RABL3: variants seen among roughly 807,000 people sequenced by gnomAD.
RABL3 encodes RAB, member of RAS oncogene family like 3, also known as rab-like protein 3.
Under a neutral mutation model 31.8 loss-of-function variants are expected in RABL3, and 31 were observed. The observed-to-expected ratio is 0.97, with a 90% confidence interval of 0.73 to 1.31. RABL3 has a LOEUF of 1.31. Ranked by LOEUF, RABL3 falls within the 40% of genes most tolerant of loss-of-function variation. The pLI is 0.00. For synonymous variants in RABL3, 97 were observed against 99.9 expected (o/e 0.97, Z 0.18); for missense variants, 263 against 279.6 (o/e 0.94, Z 0.42).
chr3:120,719,268 G>A (rs1421155610), intron 2 of RABL3, among the ~76,000 whole-genome samples: 3 of 152,202 alleles, frequency 2.0e-5, no homozygotes, highest in Admixed American at 6.5e-5. Context: ...AGCTCCCAGC[G>A]TGAGCGACAC....
chr3:120,719,510 G>A (rs924289551), intron 2 of RABL3, among the ~76,000 whole-genome samples: 2 of 152,352 alleles, frequency 1.3e-5, no homozygotes, highest in South Asian at 2.1e-4. Context: ...CTAATACTGC[G>A]CTTTTCCAAC....
chr3:120,725,686 C>G (rs1476775978), intron 2 of RABL3, among the ~76,000 whole-genome samples: 1 of 152,134 alleles, frequency 6.6e-6, no homozygotes, highest in Non-Finnish European at 1.5e-5. Flanking sequence ...TCTCAGCAAA[C>G]TATCGCAAGG....
At chr3:120,740,578 T>C (rs767738915) in intron 1 of RABL3, among the ~76,000 whole-genome samples, 10 of 152,138 alleles carry the variant, frequency 6.6e-5, no homozygotes, top group Admixed American at 4.6e-4. Flanking sequence ...TTTCTTTATA[T>C]ATTTGTGAAA....
At chr3:120,704,374 T>C (rs1312328669) in intron 4 of RABL3, among the ~76,000 whole-genome samples, 1 of 152,220 alleles carries the variant, frequency 6.6e-6, no homozygotes, top group African/African-American at 2.4e-5. Flanking sequence ...TATCTGTTCA[T>C]GATATTAACA....
rs762015005 is a variant in RABL3, at chr3:120,688,497, C to T, written c.*1326G>A. On this transcript the variant is annotated 3_prime_UTR_variant, in exon 8 of 8. Coordinates refer to ENST00000273375, the MANE Select transcript of RABL3 (RefSeq NM_173825.5). ...TATTTTAATATCCTCTTGCAGCATA[C>T]CTTGATTTCCAAGATACTTCTGAAA... is the stretch of plus-strand genomic sequence containing the variant. 2 of 152,210 alleles carry T rather than the reference C, an allele frequency of 1.3e-5. No homozygotes were observed. Among genetic ancestry groups the T allele is most frequent in the African/African-American group, 2.4e-5 (1 of 41,432 alleles). 9.4% of individuals were successfully genotyped at this position (152,210 alleles called of 1,614,324 possible). A position where few individuals can be genotyped will look rare whatever the true frequency, so the allele number is the denominator to read the frequency against.
chr3:120,728,154 AG>A (rs1245085214), intron 2 of RABL3, among the ~76,000 whole-genome samples: 3 of 152,182 alleles, frequency 2.0e-5, no homozygotes, highest in Non-Finnish European at 4.4e-5. Context: ...GGGTGGGGAT[AG>A]GAAAAGGAGT....
At chr3:120,739,149 C>T (rs1035773420) in intron 1 of RABL3, among the ~76,000 whole-genome samples, 6 of 152,176 alleles carry the variant, frequency 3.9e-5, no homozygotes, top group African/African-American at 1.4e-4. Flanking sequence ...GAGGCTGAGG[C>T]AGGCAGATCA....
intron 6 of RABL3, among the ~76,000 whole-genome samples, chr3:120,690,958 A>C (rs535242961): frequency 6.6e-6 from 1 of 152,326 alleles, no homozygotes; most frequent in African/African-American, 2.4e-5. Flanking sequence ...CAAATTCTAT[A>C]TGTCCTCAAT....
At chr3:120,725,849 A>G (rs144981536) in intron 2 of RABL3, among the ~76,000 whole-genome samples, 9,399 of 152,266 alleles carry the variant, frequency 0.062, 830 homozygotes, top group African/African-American at 0.2. Flanking sequence ...CTAATGTTAA[A>G]TTACGAGTTA....
rs758128345 is a variant in RABL3 at position 120,706,162 on chromosome 3, C to T, written c.269-48G>A. ...TGTTAATCCCTTAACAATTCCTCTT[C>T]ATTTCACAATTGGCCAAATGAAGCT... is the stretch of plus-strand genomic sequence containing the variant. On this transcript the variant is annotated intron_variant, in intron 3 of 7. Coordinates refer to ENST00000273375, the MANE Select transcript of RABL3 (RefSeq NM_173825.5). 6 of 1,238,590 alleles carry T rather than the reference C, an allele frequency of 4.8e-6. No individual in the cohort carries two copies. In the East Asian group the frequency reaches 1.4e-4, roughly 29 times the overall value. The allele number at this position is 1,238,590 out of a possible 1,614,324, so 76.7% of individuals were successfully genotyped here.
At chr3:120,734,140 A>G (rs1460373438) in intron 1 of RABL3, among the ~76,000 whole-genome samples, 3 of 152,204 alleles carry the variant, frequency 2.0e-5, no homozygotes, top group Non-Finnish European at 2.9e-5. Flanking sequence ...CTTGGGCAGT[A>G]TGGCCATTTT....
chr3:120,718,728 T>C (rs1708699214), intron 2 of RABL3, among the ~76,000 whole-genome samples: 1 of 152,194 alleles, frequency 6.6e-6, no homozygotes, highest in African/African-American at 2.4e-5. Context: ...AGACATCCCA[T>C]AGATATTAGG....
At chr3:120,717,527 G>T (rs1708685528) in intron 2 of RABL3, among the ~76,000 whole-genome samples, 1 of 152,092 alleles carries the variant, frequency 6.6e-6, no homozygotes, top group Admixed American at 6.5e-5. Flanking sequence ...GGAGTGCAGT[G>T]GCCTGATCTC....
At chr3:120,710,711 T>A (rs1226444731) in intron 2 of RABL3, among the ~76,000 whole-genome samples, 3 of 152,068 alleles carry the variant, frequency 2.0e-5, no homozygotes, top group Non-Finnish European at 2.9e-5. Flanking sequence ...ATTTTCCTTC[T>A]CAGCTGGATA....
At chr3:120,729,079 G>T (rs1245454373) in intron 2 of RABL3, among the ~76,000 whole-genome samples, 1 of 152,040 alleles carries the variant, frequency 6.6e-6, no homozygotes, top group Admixed American at 6.6e-5. Context: ...CCTTTGATGA[G>T]GTGCCCAGTC....
At position 120,739,594 on chromosome 3, in the gene RABL3, G is replaced by A. The variant is rs376222094; in HGVS notation, c.46+2868C>T. On this transcript the variant is annotated intron_variant, in intron 1 of 7. Transcript: ENST00000273375. ...CTATTAAATATATTAATCATTTTAC[G>A]TATGTGTAATTGAATCAAACATTTT... is the stretch of plus-strand genomic sequence containing the variant. 8.6e-4 allele frequency among the ~76,000 whole-genome samples: 131 copies of A among 151,754 alleles called. 1 individual carries two copies. Among genetic ancestry groups the A allele is most frequent in the African/African-American group, 3.0e-3 (123 of 41,338 alleles).
chr3:120,706,005 T>G lies in RABL3; in HGVS notation c.378A>C (p.Thr126=), dbSNP rs1708543568. The G allele has an allele frequency of 6.2e-7, 1 of 1,601,122 alleles. No homozygotes were observed. Among genetic ancestry groups the G allele is most frequent in the Non-Finnish European group, 8.6e-7 (1 of 1,168,114 alleles). The change falls in exon 4 of 8, where the codon ACA becomes ACC. Residue 126 remains threonine (T), a synonymous_variant. Transcript: ENST00000273375. ...RDLVPTGVLV[T]NGDYDQEQFA... Reference sequence around the variant, plus strand: ...CAATTGTGAAATTGGCTCACCCATTTGTCACCAAGACTCCAGTTGGCACCA... The same window carrying G: ...CAATTGTGAAATTGGCTCACCCATTGGTCACCAAGACTCCAGTTGGCACCA...
chr3:120,730,848 G>T, intron 1 of RABL3, 61 bp from the exon 2 acceptor site: 1 of 1,071,426 alleles, frequency 9.3e-7, no homozygotes, highest in Non-Finnish European at 1.4e-6. Context: ...GTTTTGGAAA[G>T]AGTAAGACTA....
chr3:120,738,277 C>T (rs1160703650), intron 1 of RABL3, among the ~76,000 whole-genome samples: 1 of 152,240 alleles, frequency 6.6e-6, no homozygotes, highest in African/African-American at 2.4e-5. Flanking sequence ...GAGCAAGGCT[C>T]CGTGGGTGTG....
Sources: allele counts gnomAD v4.1 joint callset (sites outside exome capture counted in the v4.1 genomes callset), GRCh38; gene constraint gnomAD v4.1.1; transcripts MANE v1.5; gene names NCBI Gene and HGNC (gene_info 2026-07-23, HGNC 2026-07-21).